The following ASTN2 variants were observed in gnomAD, a reference collection of about 807,000 sequenced individuals.
ASTN2 encodes astrotactin-2.
In ASTN2, 54 loss-of-function variants were observed where a neutral mutation model predicts 139.8. That is an observed-to-expected ratio of 0.39 (90% CI 0.31 to 0.48). ASTN2 has a LOEUF of 0.48. Among genes scored for constraint, ASTN2 ranks in the 20% least tolerant of loss-of-function variants. The pLI, the probability that ASTN2 is intolerant of heterozygous loss-of-function variation, is 0.95. For missense variants in ASTN2, 1,565 were observed against 1,725.1 expected, an observed-to-expected ratio of 0.91 and a Z score of 1.64; for synonymous variants, 756 against 719.5, an observed-to-expected ratio of 1.05 and a Z score of -0.81.
chr9:116,718,679 A>G (rs2416568), intron 16 of ASTN2, among the ~76,000 whole-genome samples: 129,141 of 151,702 alleles, frequency 0.85, 55,083 homozygotes, highest in Middle Eastern at 0.89. Flanking sequence ...TGACCCTCCC[A>G]CCTGAATGTC....
intron 2 of ASTN2, among the ~76,000 whole-genome samples, chr9:117,260,518 C>T (rs1312401063): frequency 1.3e-5 from 2 of 152,098 alleles, no homozygotes; most frequent in Admixed American, 1.3e-4. Context: ...TTATCAAAAA[C>T]CATATACAAT....
chr9:117,268,993 G>T (rs1336215857), intron 2 of ASTN2, among the ~76,000 whole-genome samples: 1 of 152,194 alleles, frequency 6.6e-6, no homozygotes, highest in Non-Finnish European at 1.5e-5. Flanking sequence ...ACTTCGCATG[G>T]CTGTGGTGAA....
chr9:117,055,778 A>G (rs756244009), intron 5 of ASTN2, among the ~76,000 whole-genome samples: 1 of 152,238 alleles, frequency 6.6e-6, no homozygotes, highest in Non-Finnish European at 1.5e-5. Context: ...TGAGGGAGGT[A>G]GTTTCCAAAT....
At chr9:116,732,008 TA>T (rs1055467314) in intron 14 of ASTN2, among the ~76,000 whole-genome samples, 2 of 152,058 alleles carry the variant, frequency 1.3e-5, no homozygotes, top group South Asian at 2.1e-4. Flanking sequence ...TTTATGATCT[TA>T]AAAAAAATGA....
chr9:116,931,723 C>T (rs369341510), intron 10 of ASTN2, among the ~76,000 whole-genome samples: 4 of 152,052 alleles, frequency 2.6e-5, no homozygotes, highest in African/African-American at 4.8e-5. Context: ...AAAGGGCCAA[C>T]GAGTAAGCAA....
At chr9:117,358,620 G>A (rs146214650) in intron 1 of ASTN2, among the ~76,000 whole-genome samples, 7 of 152,124 alleles carry the variant, frequency 4.6e-5, no homozygotes, top group African/African-American at 1.7e-4. Context: ...GATGGAGTGC[G>A]GAAATTATCA....
chr9:117,394,470 T>A (rs1221388278), intron 1 of ASTN2, among the ~76,000 whole-genome samples: 1 of 152,074 alleles, frequency 6.6e-6, no homozygotes, highest in Non-Finnish European at 1.5e-5. Context: ...GAGAGAGACA[T>A]CAATATATCA....
chr9:116,687,831 G>T (rs977737475), intron 16 of ASTN2, among the ~76,000 whole-genome samples: 1 of 151,948 alleles, frequency 6.6e-6, no homozygotes, highest in Non-Finnish European at 1.5e-5. Context: ...GCAAGGACAG[G>T]GTCTGAGATG....
At chr9:116,782,385 G>A (rs182187463) in intron 13 of ASTN2, among the ~76,000 whole-genome samples, 21 of 152,256 alleles carry the variant, frequency 1.4e-4, no homozygotes, top group Admixed American at 3.9e-4. Context: ...AAAGCTTCTC[G>A]AACTCTGTCT....
At chr9:116,547,937 C>T (rs887532805) in intron 19 of ASTN2, among the ~76,000 whole-genome samples, 3 of 152,076 alleles carry the variant, frequency 2.0e-5, no homozygotes, top group African/African-American at 4.8e-5. Flanking sequence ...GCAGCAGCTG[C>T]GGGAGGCATA....
intron 10 of ASTN2, among the ~76,000 whole-genome samples, chr9:116,971,022 T>A (rs1471739314): frequency 6.9e-6 from 1 of 144,226 alleles, no homozygotes; most frequent in African/African-American, 2.5e-5. Flanking sequence ...AGTTGGTCTC[T>A]TGTTTCATGC....
At chr9:116,754,408 C>A (rs1162419791) in intron 13 of ASTN2, among the ~76,000 whole-genome samples, 1 of 152,216 alleles carries the variant, frequency 6.6e-6, no homozygotes, top group Non-Finnish European at 1.5e-5. Context: ...AATGGTTGAA[C>A]TAATTTACAC....
intron 6 of ASTN2, among the ~76,000 whole-genome samples, chr9:117,025,274 C>T (rs139377168): frequency 2.2e-4 from 33 of 152,264 alleles, no homozygotes; most frequent in African/African-American, 7.2e-4. Flanking sequence ...GTTTCTGGCT[C>T]TAACATTCTA....
At chr9:116,948,785 G>GTT (rs58832163) in intron 10 of ASTN2, among the ~76,000 whole-genome samples, 736 of 49,464 alleles carry the variant, frequency 0.015, 142 homozygotes, top group Non-Finnish European at 0.016. Flanking sequence ...ATAATTTGGT[G>GTT]TTTTTTTTTT....
intron 1 of ASTN2, among the ~76,000 whole-genome samples, chr9:117,296,277 C>CAAAAAAAAAAAAAAAAAAAAAAAA: frequency 1.4e-5 from 1 of 71,008 alleles, no homozygotes; most frequent in South Asian, 8.2e-4. Context: ...GACTGCATCT[C>CAAAAAAAAAAAAAAAAAAAAAAAA]AAAAAAAAAA....
intron 1 of ASTN2, among the ~76,000 whole-genome samples, chr9:117,298,285 T>C (rs1834784548): frequency 6.6e-6 from 1 of 152,220 alleles, no homozygotes; most frequent in African/African-American, 2.4e-5. Context: ...GTACCACATA[T>C]ACTATGTGTT....
At chr9:116,583,133 A>T (rs1854017410) in intron 19 of ASTN2, 1 of 152,248 alleles carries the variant, frequency 6.6e-6, no homozygotes, top group African/African-American at 2.4e-5. Flanking sequence ...AGAGGTTCCC[A>T]GCCCAGGAAG....
chr9:117,075,815 G>A (rs915033322), intron 5 of ASTN2, among the ~76,000 whole-genome samples: 4 of 152,166 alleles, frequency 2.6e-5, no homozygotes, highest in Non-Finnish European at 4.4e-5. Context: ...ACTCAGTCAA[G>A]TTGCTTTTCC....
intron 19 of ASTN2, among the ~76,000 whole-genome samples, chr9:116,512,541 A>C (rs1233034237): frequency 6.6e-6 from 1 of 152,122 alleles, no homozygotes; most frequent in Non-Finnish European, 1.5e-5. Context: ...AGTTGAGTTC[A>C]ATTCCTGGAT....
Sources: gnomAD v4.1 joint callset for allele counts (sites outside exome capture counted in the v4.1 genomes callset) on GRCh38, gnomAD v4.1.1 for gene constraint, MANE v1.5 for transcripts, NCBI Gene and HGNC (gene_info 2026-07-23, HGNC 2026-07-21) for gene names.